The following NREP variants were observed in gnomAD, a reference collection of about 807,000 sequenced individuals.
The protein encoded by NREP is neuronal regeneration-related protein.
Under a neutral mutation model 8.6 loss-of-function variants are expected in NREP, and 5 were observed. That is an observed-to-expected ratio of 0.58 (90% CI 0.30 to 1.22). The LOEUF (loss-of-function observed/expected upper bound fraction) is 1.22, where lower values mean the gene tolerates loss of function less well. Ranked by LOEUF, NREP falls within the 50% of genes most tolerant of loss-of-function variation. NREP has a pLI of 0.07. For missense variants in NREP, 86 were observed against 82.5 expected (o/e 1.04, Z -0.17); for synonymous variants, 27 against 28.0 (o/e 0.96, Z 0.11).
chr5:111,882,912 C>T (rs1437502743), intron 2 of NREP, among the ~76,000 whole-genome samples: 1 of 152,246 alleles, frequency 6.6e-6, no homozygotes, highest in Non-Finnish European at 1.5e-5. Context: ...GAAGAAACTG[C>T]ATCAACTAAT....
intron 2 of NREP, among the ~76,000 whole-genome samples, chr5:111,943,551 C>A (rs947500596): frequency 8.6e-5 from 13 of 152,022 alleles, no homozygotes; most frequent in Non-Finnish European, 1.8e-4. Context: ...CTTCGATGTC[C>A]CACTGCACTG....
intron 2 of NREP, among the ~76,000 whole-genome samples, chr5:111,899,932 A>G (rs1754602211): frequency 6.6e-6 from 1 of 152,156 alleles, no homozygotes; most frequent in African/African-American, 2.4e-5. Flanking sequence ...ACAAAGAAAC[A>G]TCAGACTTAA....
intron 2 of NREP, among the ~76,000 whole-genome samples, chr5:111,844,397 C>T (rs1753106482): frequency 6.6e-6 from 1 of 151,546 alleles, no homozygotes; most frequent in Non-Finnish European, 1.5e-5. Flanking sequence ...TTATAAACTT[C>T]AAATTAATAA....
At chr5:111,973,502 G>A (rs961694845) in intron 2 of NREP, among the ~76,000 whole-genome samples, 1 of 152,154 alleles carries the variant, frequency 6.6e-6, no homozygotes, top group African/African-American at 2.4e-5. Flanking sequence ...TTATTTTCCA[G>A]TCAAAAGTCT....
chr5:111,757,504 G>A, upstream of NREP: 1 of 984,892 alleles, frequency 1.0e-6, no homozygotes, highest in Non-Finnish European at 1.2e-6. Flanking sequence ...AGCTGGCGCG[G>A]AGCCAGCGCC....
chr5:111,910,499 C>T (rs1233099458), intron 2 of NREP, among the ~76,000 whole-genome samples: 1 of 151,954 alleles, frequency 6.6e-6, no homozygotes, highest in East Asian at 1.9e-4. Context: ...GAAAGACCCA[C>T]ATATTTATAA....
At chr5:111,898,769 G>C (rs1754573538) in intron 2 of NREP, among the ~76,000 whole-genome samples, 1 of 152,126 alleles carries the variant, frequency 6.6e-6, no homozygotes, top group Non-Finnish European at 1.5e-5. Flanking sequence ...TCAGCCCAAA[G>C]AACTCTTCTC....
chr5:111,729,944 T>C lies in NREP; in HGVS notation c.*977A>G, dbSNP rs1008955441. On this transcript the variant is annotated 3_prime_UTR_variant, in exon 4 of 4. Coordinates refer to ENST00000257435, the MANE Select transcript of NREP (RefSeq NM_004772.4). Reference sequence around the variant, plus strand: ...TGGGTTTTTTTCCAGGGGGAGTTTATTTAAAACGGTTTTGCTCTTTTTTTC... The same window carrying C: ...TGGGTTTTTTTCCAGGGGGAGTTTACTTAAAACGGTTTTGCTCTTTTTTTC... 1 of 152,652 alleles carries C rather than the reference T, an allele frequency of 6.6e-6. No homozygotes were observed. The highest frequency in any genetic ancestry group is 1.5e-5 in the Non-Finnish European group (1 of 68,042). The allele number at this position is 152,652 out of a possible 1,614,324, so 9.5% of individuals were successfully genotyped here. A position where few individuals can be genotyped will look rare whatever the true frequency, so the allele number is the denominator to read the frequency against.
At chr5:111,741,370 A>G (rs1476376177) in intron 2 of NREP, among the ~76,000 whole-genome samples, 1 of 152,194 alleles carries the variant, frequency 6.6e-6, no homozygotes, top group Non-Finnish European at 1.5e-5. Flanking sequence ...ATGCGCATAT[A>G]CATACACTTC....
At chr5:111,768,228 T>C (rs975747715) in intron 2 of NREP, among the ~76,000 whole-genome samples, 1 of 152,182 alleles carries the variant, frequency 6.6e-6, no homozygotes, top group African/African-American at 2.4e-5. Context: ...GAATGACTTA[T>C]ACCAGGGGGT....
chr5:111,728,838 C>G (rs565645382), downstream of NREP: 1 of 152,122 alleles, frequency 6.6e-6, no homozygotes, highest in Non-Finnish European at 1.5e-5. Flanking sequence ...TATCCTCTTA[C>G]AAAAGTTTAA....
chr5:111,832,934 C>T (rs1392800546), intron 2 of NREP, among the ~76,000 whole-genome samples: 3 of 152,288 alleles, frequency 2.0e-5, no homozygotes, highest in East Asian at 1.9e-4. Flanking sequence ...AAGAGTAGAG[C>T]CCTAACCTGG....
intron 2 of NREP, among the ~76,000 whole-genome samples, chr5:111,972,534 G>C (rs1376694148): frequency 6.6e-6 from 1 of 152,092 alleles, no homozygotes; most frequent in Non-Finnish European, 1.5e-5. Context: ...AACATTTACT[G>C]CCTTAGTGGC....
chr5:111,878,754 C>T (rs1393534216), intron 2 of NREP, among the ~76,000 whole-genome samples: 2 of 152,202 alleles, frequency 1.3e-5, no homozygotes, highest in African/African-American at 4.8e-5. Flanking sequence ...CCCCCTGCCA[C>T]TTGAGCACTT....
chr5:111,937,957 T>G (rs1755728392), intron 2 of NREP, among the ~76,000 whole-genome samples: 1 of 152,056 alleles, frequency 6.6e-6, no homozygotes, highest in South Asian at 2.1e-4. Context: ...AAATTCTCCT[T>G]GTGCTGACGT....
intron 2 of NREP, among the ~76,000 whole-genome samples, chr5:111,887,376 G>A (rs1333377160): frequency 1.3e-5 from 2 of 152,144 alleles, no homozygotes; most frequent in Admixed American, 6.6e-5. Flanking sequence ...TTTTTAAAAA[G>A]AAGAAAACTA....
At chr5:111,808,587 T>C (rs1752196720) in intron 2 of NREP, among the ~76,000 whole-genome samples, 1 of 152,234 alleles carries the variant, frequency 6.6e-6, no homozygotes, top group South Asian at 2.1e-4. Flanking sequence ...AACTATTCTT[T>C]GTCCTGGAAC....
chr5:111,873,676 T>G (rs1753839623), intron 2 of NREP, among the ~76,000 whole-genome samples: 2 of 152,220 alleles, frequency 1.3e-5, no homozygotes, highest in African/African-American at 4.8e-5. Context: ...AGGACTCATA[T>G]GATCAGAATG....
At chr5:111,817,651 A>G (rs1413471921) in intron 2 of NREP, among the ~76,000 whole-genome samples, 1 of 151,928 alleles carries the variant, frequency 6.6e-6, no homozygotes, top group Non-Finnish European at 1.5e-5. Context: ...TAAAAATACA[A>G]AAAATTAGCC....
Sources: gnomAD v4.1 joint callset for allele counts (sites outside exome capture counted in the v4.1 genomes callset) on GRCh38, gnomAD v4.1.1 for gene constraint, MANE v1.5 for transcripts, NCBI Gene and HGNC (gene_info 2026-07-23, HGNC 2026-07-21) for gene names.